The following MDGA2 variants were observed in gnomAD, a reference collection of about 807,000 sequenced individuals.
MDGA2 encodes the protein MAM domain-containing glycosylphosphatidylinositol anchor protein 2.
Under a neutral mutation model 117.8 loss-of-function variants are expected in MDGA2, and 40 were observed. The ratio of observed to expected loss-of-function variants is 0.34; its 90% CI spans 0.26 to 0.44. The LOEUF is 0.44. Among genes scored for constraint, MDGA2 ranks in the 20% least tolerant of loss-of-function variants. MDGA2 has a pLI of 1.00. For missense variants in MDGA2, 1,123 were observed against 1,250.6 expected (o/e 0.90, Z 1.54); for synonymous variants, 452 against 439.0 (o/e 1.03, Z -0.37).
chr14:46,972,610 G>C (rs1156762883), intron 8 of MDGA2, among the ~76,000 whole-genome samples: 15 of 152,034 alleles, frequency 9.9e-5, no homozygotes, highest in Admixed American at 9.8e-4. Flanking sequence ...ACACATTCCA[G>C]ATAACAGGTT....
intron 7 of MDGA2, chr14:47,058,803 T>C (rs564807425): frequency 2.0e-6 from 2 of 985,660 alleles, no homozygotes; most frequent in East Asian, 1.1e-4. Context: ...CATCATCTTC[T>C]GTAGGCCTTC....
At chr14:47,097,822 G>C (rs547909179) in intron 5 of MDGA2, among the ~76,000 whole-genome samples, 2 of 152,018 alleles carry the variant, frequency 1.3e-5, no homozygotes, top group South Asian at 4.2e-4. Context: ...TGCCACTACT[G>C]TTTGGGTTAT....
At chr14:47,434,257 G>C (rs1400925923) in intron 1 of MDGA2, among the ~76,000 whole-genome samples, 1 of 151,968 alleles carries the variant, frequency 6.6e-6, no homozygotes, top group Non-Finnish European at 1.5e-5. Flanking sequence ...ATAATACTCA[G>C]ATACAGACCC....
At chr14:47,022,461 C>T (rs1303315160) in intron 8 of MDGA2, among the ~76,000 whole-genome samples, 1 of 152,056 alleles carries the variant, frequency 6.6e-6, no homozygotes, top group South Asian at 2.1e-4. Flanking sequence ...ACTTACTGAT[C>T]TAGGCATTTT....
intron 1 of MDGA2, among the ~76,000 whole-genome samples, chr14:47,546,862 T>C (rs1895473547): frequency 6.6e-6 from 1 of 152,184 alleles, no homozygotes; most frequent in African/African-American, 2.4e-5. Context: ...TTAAATCTTG[T>C]TCACTTTAGA....
At chr14:47,356,233 C>T (rs947300968) in intron 1 of MDGA2, among the ~76,000 whole-genome samples, 1 of 152,172 alleles carries the variant, frequency 6.6e-6, no homozygotes, top group Non-Finnish European at 1.5e-5. Flanking sequence ...AGAAAAGGCT[C>T]ATATAACTAA....
chr14:47,241,676 C>A (rs1887046113), intron 2 of MDGA2, among the ~76,000 whole-genome samples: 1 of 151,848 alleles, frequency 6.6e-6, no homozygotes, highest in South Asian at 2.1e-4. Flanking sequence ...CAAACACTTT[C>A]ATCTCCCAAC....
intron 1 of MDGA2, among the ~76,000 whole-genome samples, chr14:47,430,647 T>C (rs1368990217): frequency 6.6e-6 from 1 of 152,126 alleles, no homozygotes; most frequent in Non-Finnish European, 1.5e-5. Context: ...ATACCAATAA[T>C]AGAGCAGCTT....
At chr14:47,555,773 A>G (rs1197414312) in intron 1 of MDGA2, among the ~76,000 whole-genome samples, 2 of 152,164 alleles carry the variant, frequency 1.3e-5, no homozygotes, top group African/African-American at 4.8e-5. Context: ...TGCTCCTTCT[A>G]TCTTCAGTCT....
At chr14:47,326,617 T>C (rs1320833132) in intron 1 of MDGA2, among the ~76,000 whole-genome samples, 1 of 152,068 alleles carries the variant, frequency 6.6e-6, no homozygotes, top group Non-Finnish European at 1.5e-5. Context: ...CTCTCCTTTA[T>C]GTTGTTGCCC....
chr14:46,954,239 C>T (rs1026907721), intron 9 of MDGA2, among the ~76,000 whole-genome samples: 7 of 151,896 alleles, frequency 4.6e-5, no homozygotes, highest in African/African-American at 1.7e-4. Flanking sequence ...GACACGTGCA[C>T]CCATGTCTCC....
intron 3 of MDGA2, among the ~76,000 whole-genome samples, chr14:47,177,206 CT>C (rs1159105475): frequency 3.9e-5 from 6 of 152,134 alleles, no homozygotes; most frequent in South Asian, 2.1e-4. Flanking sequence ...GTTGGTGGGA[CT>C]ATAAACTAGT....
At chr14:47,405,799 A>C (rs548949604) in intron 1 of MDGA2, among the ~76,000 whole-genome samples, 2 of 152,310 alleles carry the variant, frequency 1.3e-5, no homozygotes, top group African/African-American at 4.8e-5. Flanking sequence ...TGACACATGA[A>C]GCAATCATAT....
chr14:47,000,758 T>A (rs1251904019), intron 8 of MDGA2, among the ~76,000 whole-genome samples: 1 of 151,782 alleles, frequency 6.6e-6, no homozygotes, highest in Non-Finnish European at 1.5e-5. Context: ...TCGTGGTGTT[T>A]TAGCATGCAA....
At chr14:47,172,484 G>A (rs993185205) in intron 3 of MDGA2, among the ~76,000 whole-genome samples, 4 of 152,140 alleles carry the variant, frequency 2.6e-5, no homozygotes, top group South Asian at 2.1e-4. Flanking sequence ...CAGCATTCGC[G>A]GTTCACGAAA....
intron 1 of MDGA2, among the ~76,000 whole-genome samples, chr14:47,607,785 CTT>C (rs1416677820): frequency 1.3e-5 from 2 of 152,122 alleles, no homozygotes; most frequent in Middle Eastern, 3.4e-3. Context: ...AATAAGCAAA[CTT>C]AATTCAGTAT....
intron 1 of MDGA2, among the ~76,000 whole-genome samples, chr14:47,661,896 C>T (rs1042041754): frequency 5.9e-5 from 9 of 151,898 alleles, no homozygotes; most frequent in East Asian, 3.9e-4. Flanking sequence ...CCACTACGCC[C>T]GGCTAATTTT....
chr14:46,875,151 C>A (rs1340972064), intron 12 of MDGA2, among the ~76,000 whole-genome samples: 1 of 151,654 alleles, frequency 6.6e-6, no homozygotes, highest in Non-Finnish European at 1.5e-5. Flanking sequence ...ATGATAATGT[C>A]AAATGGAATC....
intron 8 of MDGA2, among the ~76,000 whole-genome samples, chr14:46,977,970 A>G (rs1435027723): frequency 6.6e-6 from 1 of 151,920 alleles, no homozygotes; most frequent in Non-Finnish European, 1.5e-5. Context: ...GAGTGAGTAG[A>G]GGTTGTTTTC....
Sources: allele counts gnomAD v4.1 joint callset (sites outside exome capture counted in the v4.1 genomes callset), GRCh38; gene constraint gnomAD v4.1.1; transcripts MANE v1.5; gene names NCBI Gene and HGNC (gene_info 2026-07-23, HGNC 2026-07-21).